Variants in PCBP3 observed in about 807,000 individuals in gnomAD.
PCBP3 encodes the protein poly(rC)-binding protein 3.
A neutral mutation model predicts 52.7 loss-of-function variants in PCBP3; 25 were observed. That is an observed-to-expected ratio of 0.47 (90% CI 0.35 to 0.66). The LOEUF (loss-of-function observed/expected upper bound fraction) is 0.66, where lower values mean the gene tolerates loss of function less well. PCBP3 is among the 30% of genes least tolerant of loss of function. The probability of loss-of-function intolerance (pLI) is 0.01; values close to 1 mark genes in which losing one functional copy is unlikely to be tolerated. For synonymous variants in PCBP3, 162 were observed against 183.0 expected (o/e 0.89, Z 0.93); for missense variants, 391 against 490.3 (o/e 0.80, Z 1.91).
chr21:45,836,140 C>T (rs1186627361), intron 4 of PCBP3: 1 of 151,978 alleles, frequency 6.6e-6, no homozygotes, highest in East Asian at 2.0e-4. Context: ...CGTGGGTTGC[C>T]CCTCTCTGGG....
intron 16 of PCBP3, among the ~76,000 whole-genome samples, chr21:45,936,435 C>T (rs1438522639): frequency 6.6e-6 from 1 of 152,230 alleles, no homozygotes; most frequent in Non-Finnish European, 1.5e-5. Flanking sequence ...ACACTCCAGG[C>T]AGCATTGTGG....
chr21:45,857,883 G>A (rs1008043416), intron 5 of PCBP3, among the ~76,000 whole-genome samples: 2 of 152,178 alleles, frequency 1.3e-5, no homozygotes, highest in African/African-American at 4.8e-5. Context: ...TGGGGAAACA[G>A]GGCTGCCCCC....
chr21:45,816,873 G>T (rs1419232588), intron 4 of PCBP3, among the ~76,000 whole-genome samples: 2 of 151,970 alleles, frequency 1.3e-5, no homozygotes, highest in Non-Finnish European at 2.9e-5. Context: ...AATTGTACGA[G>T]TTACGCTCTG....
chr21:45,875,247 C>T (rs918941206), intron 5 of PCBP3, among the ~76,000 whole-genome samples: 3 of 151,702 alleles, frequency 2.0e-5, no homozygotes, highest in Admixed American at 2.0e-4. Context: ...CCCCTCCGTG[C>T]TGCGCGCTCC....
chr21:45,798,261 A>G (rs1315250961), intron 4 of PCBP3, among the ~76,000 whole-genome samples: 1 of 146,174 alleles, frequency 6.8e-6, no homozygotes, highest in Non-Finnish European at 1.5e-5. Flanking sequence ...GGATCCATAG[A>G]GAGAGTGAAT....
At chr21:45,761,228 T>A (rs2088625260) in intron 4 of PCBP3, 1 of 152,226 alleles carries the variant, frequency 6.6e-6, no homozygotes. Context: ...GTCCTTTCAC[T>A]CTGAAGACTT....
chr21:45,895,603 A>C (rs2095803725), intron 5 of PCBP3, among the ~76,000 whole-genome samples: 1 of 152,256 alleles, frequency 6.6e-6, no homozygotes, highest in Non-Finnish European at 1.5e-5. Context: ...GATGGCACAC[A>C]GTAGTGACAC....
Position 45,824,550 on chromosome 21 carries a change from G to A in PCBP3, c.-125-25411G>A, listed in dbSNP as rs542643576. On this transcript the variant is annotated intron_variant, in intron 4 of 17. Transcript: ENST00000681687. ...GAGGTGTGCTGTAGAACCAGCCTGT[G>A]TTCACAGTAAATCTCTGCTTCCGCA... Among the ~76,000 whole-genome samples, 75 of 152,242 alleles carry A rather than the reference G, an allele frequency of 4.9e-4. 1 individual carries two copies. The highest frequency in any genetic ancestry group is 9.3e-4 in the Non-Finnish European group (63 of 68,046).
chr21:45,856,995 T>G (rs933734423), intron 5 of PCBP3, among the ~76,000 whole-genome samples: 12 of 152,168 alleles, frequency 7.9e-5, no homozygotes, highest in African/African-American at 2.9e-4. Flanking sequence ...AGATAAAGCA[T>G]TGTGGAGACC....
intron 3 of PCBP3, among the ~76,000 whole-genome samples, chr21:45,739,490 C>G (rs1286572720): frequency 6.7e-6 from 1 of 148,906 alleles, no homozygotes; most frequent in African/African-American, 2.5e-5. Flanking sequence ...CCTGGGTGGC[C>G]CCCCGATCTT....
chr21:45,753,271 G>T (rs974481819), intron 3 of PCBP3, among the ~76,000 whole-genome samples: 1 of 151,588 alleles, frequency 6.6e-6, no homozygotes, highest in African/African-American at 2.4e-5. Flanking sequence ...TCTGCTCTTA[G>T]GTCTACGTAA....
intron 5 of PCBP3, among the ~76,000 whole-genome samples, chr21:45,886,089 CGTGGTGAGGTGTGGAGGAG>C (rs2095510364): frequency 6.7e-6 from 1 of 148,982 alleles, no homozygotes; most frequent in Non-Finnish European, 1.5e-5. Flanking sequence ...GGGCAGAGGA[CGTGGTGAGGTGTGGAGGAG>C]GCCTCATTGC....
intron 3 of PCBP3, among the ~76,000 whole-genome samples, chr21:45,740,949 A>G (rs913132966): frequency 6.6e-6 from 1 of 152,182 alleles, no homozygotes; most frequent in African/African-American, 2.4e-5. Flanking sequence ...AGAAGGAGTC[A>G]GCCTCTCAGC....
chr21:45,941,604 C>T (rs1246368547), intron 17 of PCBP3, 66 bp from the exon 18 acceptor site: 57 of 1,464,646 alleles, frequency 3.9e-5, no homozygotes, highest in Non-Finnish European at 4.7e-5. Context: ...CCCGGCCTCA[C>T]GTCTGCCCAC....
chr21:45,798,206 G>A (rs2092098858), intron 4 of PCBP3, among the ~76,000 whole-genome samples: 1 of 149,242 alleles, frequency 6.7e-6, no homozygotes, highest in Non-Finnish European at 1.5e-5. Context: ...ATGAATGCAT[G>A]GATCCATAGA....
At chr21:45,916,085 A>G (rs2073359864) in intron 12 of PCBP3, 1 of 152,316 alleles carries the variant, frequency 6.6e-6, no homozygotes, top group African/African-American at 2.4e-5. Flanking sequence ...GTCGTGAGTT[A>G]AATCAGCAGA....
chr21:45,797,764 G>GACAGAGTGAA (rs2092040021), intron 4 of PCBP3, among the ~76,000 whole-genome samples: 1 of 804 alleles, frequency 1.2e-3, no homozygotes. Context: ...GTGAATGGAT[G>GACAGAGTGAA]TGCATGTGGA....
chr21:45,681,942 A>C (rs1400182591), intron 2 of PCBP3, among the ~76,000 whole-genome samples: 2 of 152,182 alleles, frequency 1.3e-5, no homozygotes, highest in African/African-American at 4.8e-5. Context: ...AACAGATATA[A>C]TATAGACCAA....
intron 9 of PCBP3, chr21:45,901,425 C>T (rs2096035401): frequency 2.9e-6 from 1 of 341,002 alleles, no homozygotes; most frequent in Non-Finnish European, 5.7e-6. Context: ...CACCCTTCCC[C>T]TGGGGCGTGC....
Sources: gnomAD v4.1 joint callset for allele counts (sites outside exome capture counted in the v4.1 genomes callset) on GRCh38, gnomAD v4.1.1 for gene constraint, MANE v1.5 for transcripts, NCBI Gene and HGNC (gene_info 2026-07-23, HGNC 2026-07-21) for gene names.